Variants in ADAMTS6 observed in about 807,000 individuals in gnomAD.
The protein encoded by ADAMTS6 is ADAM metallopeptidase with thrombospondin type 1 motif 6.
Under a neutral mutation model 144.3 loss-of-function variants are expected in ADAMTS6, and 23 were observed. That is an observed-to-expected ratio of 0.16 (90% CI 0.11 to 0.23). The LOEUF is 0.23. ADAMTS6 is among the 10% of genes least tolerant of loss of function. The pLI is 1.00. For missense variants in ADAMTS6, 999 were observed against 1,379.6 expected (o/e 0.72, Z 4.37); for synonymous variants, 444 against 457.5 (o/e 0.97, Z 0.38).
intron 23 of ADAMTS6, 103 bp from the exon 24 acceptor site, chr5:65,170,876 T>C: frequency 7.7e-7 from 1 of 1,294,798 alleles, no homozygotes; most frequent in Non-Finnish European, 1.0e-6. Flanking sequence ...TGAACTTTTT[T>C]TTTTTTCTTT....
intron 7 of ADAMTS6, among the ~76,000 whole-genome samples, chr5:65,335,688 A>G (rs1747236735): frequency 6.6e-6 from 1 of 152,166 alleles, no homozygotes; most frequent in African/African-American, 2.4e-5. Context: ...CTTTTGGTCT[A>G]TTTGGGGAAA....
At chr5:65,455,484 G>A (rs896974856) in intron 4 of ADAMTS6, among the ~76,000 whole-genome samples, 2 of 152,282 alleles carry the variant, frequency 1.3e-5, no homozygotes, top group South Asian at 2.1e-4. Flanking sequence ...AGAGGTTGCA[G>A]TGAGCCAAGA....
intron 18 of ADAMTS6, among the ~76,000 whole-genome samples, chr5:65,223,949 A>C (rs776823089): frequency 6.6e-5 from 10 of 151,568 alleles, no homozygotes; most frequent in African/African-American, 2.4e-4. Context: ...ACAGGCGCCC[A>C]CCACCACACC....
intron 19 of ADAMTS6, 26 bp downstream of exon 19, chr5:65,215,298 A>G (rs144045734): frequency 6.2e-7 from 1 of 1,608,252 alleles, no homozygotes; most frequent in Admixed American, 1.7e-5. Context: ...AAAACAGAAG[A>G]AATACAATGG....
intron 7 of ADAMTS6, among the ~76,000 whole-genome samples, chr5:65,431,246 T>C (rs1580693405): frequency 1.3e-5 from 2 of 152,232 alleles, no homozygotes; most frequent in South Asian, 4.1e-4. Context: ...ATAGCCTTTA[T>C]AATTGGTAAA....
intron 17 of ADAMTS6, 76 bp downstream of exon 17, chr5:65,224,848 G>C (rs1437636267): frequency 3.4e-6 from 5 of 1,458,594 alleles, no homozygotes; most frequent in Non-Finnish European, 4.5e-6. Context: ...CTGAAAAACA[G>C]GGGGAGGCGA....
intron 21 of ADAMTS6, among the ~76,000 whole-genome samples, chr5:65,195,263 G>A (rs150476244): frequency 6.6e-6 from 1 of 152,212 alleles, no homozygotes; most frequent in Non-Finnish European, 1.5e-5. Flanking sequence ...AAAAATAATT[G>A]GCAGAAAAGA....
chr5:65,419,369 G>A lies in ADAMTS6; in HGVS notation c.1073+32106C>T, dbSNP rs116283128. Among the ~76,000 whole-genome samples the A allele has an allele frequency of 1.9e-3, 294 of 152,124 alleles. 2 individuals carry two copies. Among genetic ancestry groups the A allele is most frequent in the South Asian group, 0.017 (81 of 4,816 alleles). On this transcript the variant is annotated intron_variant, in intron 7 of 24. Transcript: ENST00000381055. Reference sequence around the variant, plus strand: ...ATTGGGTATTTATAGACATAAAGACGGCAACAATAGAAATTGAGAACTACT... The same window carrying A: ...ATTGGGTATTTATAGACATAAAGACAGCAACAATAGAAATTGAGAACTACT...
Position 65,473,788 on chromosome 5 carries a change from A to C in ADAMTS6, c.-115T>G, listed in dbSNP as rs1760647764. ...CTTTAAAACTTCTTGCAAATTAGTT[A>C]TTGGATGTTCCACTGTTTAAGAGCC... On this transcript the variant is annotated 5_prime_UTR_variant, in exon 2 of 25. An upstream open reading frame in the 5' UTR loses its in-frame stop. Transcript: ENST00000381055. The C allele has an allele frequency of 1.3e-6, 1 of 772,704 alleles. No homozygotes were observed. Among genetic ancestry groups the C allele is most frequent in the Non-Finnish European group, 2.2e-6 (1 of 458,718 alleles). 47.9% of individuals were successfully genotyped at this position (772,704 alleles called of 1,614,324 possible). A position where few individuals can be genotyped will look rare whatever the true frequency, so the allele number is the denominator to read the frequency against.
chr5:65,189,158 T>C (rs1262180019), intron 21 of ADAMTS6, among the ~76,000 whole-genome samples: 1 of 152,218 alleles, frequency 6.6e-6, no homozygotes, highest in Non-Finnish European at 1.5e-5. Flanking sequence ...ATGTCTCACA[T>C]TTGTAGGTAT....
At chr5:65,304,771 A>G (rs1743767609) in intron 9 of ADAMTS6, among the ~76,000 whole-genome samples, 2 of 152,140 alleles carry the variant, frequency 1.3e-5, no homozygotes, top group South Asian at 4.1e-4. Flanking sequence ...AAAATTAAGA[A>G]AGGGAACAAG....
intron 7 of ADAMTS6, among the ~76,000 whole-genome samples, chr5:65,411,044 C>T (rs559278393): frequency 5.9e-5 from 9 of 152,182 alleles, no homozygotes; most frequent in Non-Finnish European, 1.3e-4. Flanking sequence ...TGCCATGTTT[C>T]CCAGGCTGGT....
intron 12 of ADAMTS6, among the ~76,000 whole-genome samples, chr5:65,270,730 A>AT (rs1580248754): frequency 1.3e-5 from 2 of 152,312 alleles, no homozygotes; most frequent in East Asian, 3.9e-4. Context: ...GATATCCGCT[A>AT]TATTGGCCTT....
At chr5:65,262,758 G>T in intron 13 of ADAMTS6, 59 bp downstream of exon 13, 1 of 1,452,276 alleles carries the variant, frequency 6.9e-7, no homozygotes, top group South Asian at 1.5e-5. Flanking sequence ...TGAAACCACA[G>T]CTTTGAATCA....
At chr5:65,444,118 T>C (rs1362746312) in intron 7 of ADAMTS6, among the ~76,000 whole-genome samples, 2 of 152,062 alleles carry the variant, frequency 1.3e-5, no homozygotes, top group Non-Finnish European at 2.9e-5. Flanking sequence ...CAGTCCAGGC[T>C]CAGTGGCTCA....
intron 7 of ADAMTS6, among the ~76,000 whole-genome samples, chr5:65,417,535 G>C (rs1755640579): frequency 6.6e-6 from 1 of 152,080 alleles, no homozygotes; most frequent in Non-Finnish European, 1.5e-5. Flanking sequence ...TAAAGTTTCA[G>C]GATACAAAAT....
intron 7 of ADAMTS6, among the ~76,000 whole-genome samples, chr5:65,382,417 C>T (rs1752122753): frequency 1.3e-5 from 2 of 152,294 alleles, no homozygotes; most frequent in South Asian, 4.2e-4. Flanking sequence ...ACAAGTTGAA[C>T]TCCGAAAGTA....
intron 21 of ADAMTS6, among the ~76,000 whole-genome samples, chr5:65,191,742 T>A (rs1755026960): frequency 6.6e-6 from 1 of 152,058 alleles, no homozygotes; most frequent in Non-Finnish European, 1.5e-5. Context: ...AAAGTGAAAC[T>A]AATATTAAGC....
At chr5:65,452,095 G>C (rs745525919) in intron 6 of ADAMTS6, 38 bp downstream of exon 6, 5 of 1,497,282 alleles carry the variant, frequency 3.3e-6, no homozygotes, top group Middle Eastern at 1.7e-4. Context: ...ATAGCCTTCT[G>C]TTAACAATCT....
Sources: allele counts gnomAD v4.1 joint callset (sites outside exome capture counted in the v4.1 genomes callset), GRCh38; gene constraint gnomAD v4.1.1; transcripts MANE v1.5; gene names NCBI Gene and HGNC (gene_info 2026-07-23, HGNC 2026-07-21).